The following COLEC10 variants were observed in gnomAD, a reference collection of about 807,000 sequenced individuals.
COLEC10 encodes collectin-10.
A neutral mutation model predicts 28.4 loss-of-function variants in COLEC10; 22 were observed. That is an observed-to-expected ratio of 0.78 (90% confidence interval 0.55 to 1.11). COLEC10 has a LOEUF of 1.11. Among genes scored for constraint, COLEC10 ranks in the 50% least tolerant of loss-of-function variants. COLEC10 has a pLI of 0.00. For synonymous variants in COLEC10, 125 were observed against 116.1 expected, an observed-to-expected ratio of 1.08 and a Z score of -0.49; for missense variants, 361 against 344.1, an observed-to-expected ratio of 1.05 and a Z score of -0.39.
chr8:119,030,300 C>T (rs546689349), intron 2 of COLEC10, among the ~76,000 whole-genome samples: 1 of 152,094 alleles, frequency 6.6e-6, no homozygotes, highest in Non-Finnish European at 1.5e-5. Context: ...TAGTATATCA[C>T]TAATATTTCA....
intron 2 of COLEC10, among the ~76,000 whole-genome samples, chr8:119,048,931 G>A (rs1239245763): frequency 1.3e-5 from 2 of 152,168 alleles, no homozygotes; most frequent in East Asian, 3.8e-4. Context: ...TATAGTGCTT[G>A]TGGGCTATGG....
At chr8:119,103,952 A>G in intron 5 of COLEC10, 57 bp downstream of exon 5, 1 of 1,115,256 alleles carries the variant, frequency 9.0e-7, no homozygotes, top group South Asian at 1.2e-5. Flanking sequence ...TCAACACTAC[A>G]ATTCCAGTAC....
chr8:118,995,503 C>G (rs980720730), exon 1 of COLEC10: 4 of 152,172 alleles, frequency 2.6e-5, no homozygotes, highest in Admixed American at 6.6e-5. Flanking sequence ...TTTAGCCCAG[C>G]CTCATAGACT....
At chr8:118,973,613 C>G in the COLEC10 span, among the ~76,000 whole-genome samples, 2 of 151,960 alleles carry the variant, frequency 1.3e-5, no homozygotes, top group Non-Finnish European at 2.9e-5. Context: ...ATCACAGAAG[C>G]GACATCCCAT....
intron 2 of COLEC10, among the ~76,000 whole-genome samples, chr8:119,036,405 T>G (rs894125463): frequency 6.6e-6 from 1 of 152,202 alleles, no homozygotes; most frequent in Non-Finnish European, 1.5e-5. Context: ...ATTTAACCAG[T>G]GATTTCTCTG....
At chr8:118,978,599 T>C in the COLEC10 span, among the ~76,000 whole-genome samples, 1 of 152,184 alleles carries the variant, frequency 6.6e-6, no homozygotes, top group East Asian at 1.9e-4. Context: ...ATCTGTAAGT[T>C]CATATTACTG....
chr8:119,007,523 A>T (rs1813826651), intron 1 of COLEC10, among the ~76,000 whole-genome samples: 1 of 151,190 alleles, frequency 6.6e-6, no homozygotes, highest in African/African-American at 2.5e-5. Flanking sequence ...AAGTTTAATC[A>T]TGGAACAATG....
At chr8:119,061,427 A>G in intron 2 of COLEC10, among the ~76,000 whole-genome samples, 1 of 147,344 alleles carries the variant, frequency 6.8e-6, no homozygotes, top group East Asian at 2.1e-4. Flanking sequence ...TTGAAATTTC[A>G]GAATAGCTGG....
the COLEC10 span, among the ~76,000 whole-genome samples, chr8:118,974,207 A>T: frequency 6.6e-6 from 1 of 151,888 alleles, no homozygotes; most frequent in Non-Finnish European, 1.5e-5. Flanking sequence ...ATAAAATATT[A>T]TATACCATAT....
intron 4 of COLEC10, 148 bp from the exon 5 acceptor site, chr8:119,103,652 T>C (rs1332467930): frequency 3.7e-6 from 2 of 534,980 alleles, no homozygotes; most frequent in Non-Finnish European, 6.7e-6. Context: ...GAAACCTTAT[T>C]TTAAATAAAA....
chr8:119,091,595 G>GAGAAGGAA (rs1815601750), intron 3 of COLEC10, among the ~76,000 whole-genome samples: 1 of 138,488 alleles, frequency 7.2e-6, no homozygotes, highest in Non-Finnish European at 1.6e-5. Flanking sequence ...GAGAGAGAGA[G>GAGAAGGAA]AGAAAGAAAG....
chr8:119,010,930 C>A (rs754303237), intron 2 of COLEC10, among the ~76,000 whole-genome samples: 1 of 150,934 alleles, frequency 6.6e-6, no homozygotes, highest in Non-Finnish European at 1.5e-5. Flanking sequence ...ACGTCTTTCT[C>A]TCAGTGTGTG....
intron 3 of COLEC10, among the ~76,000 whole-genome samples, chr8:119,102,143 A>C (rs1164388587): frequency 6.6e-6 from 1 of 152,130 alleles, no homozygotes; most frequent in Non-Finnish European, 1.5e-5. Flanking sequence ...GAGATATTAG[A>C]GATACTAGCT....
intron 3 of COLEC10, among the ~76,000 whole-genome samples, chr8:119,095,179 C>T (rs1010712623): frequency 6.6e-6 from 1 of 151,934 alleles, no homozygotes; most frequent in Non-Finnish European, 1.5e-5. Flanking sequence ...CACATAGAAA[C>T]AATTTAAAAA....
chr8:119,004,453 C>T (rs191561096), intron 1 of COLEC10, among the ~76,000 whole-genome samples: 9 of 151,750 alleles, frequency 5.9e-5, no homozygotes, highest in Admixed American at 3.9e-4. Context: ...TTATTTTTCT[C>T]TCCTCATAAT....
At chr8:118,974,997 C>A in the COLEC10 span, among the ~76,000 whole-genome samples, 1 of 151,926 alleles carries the variant, frequency 6.6e-6, no homozygotes, top group Non-Finnish European at 1.5e-5. Context: ...CAAAACAAAA[C>A]AAAAATGCTG....
At chr8:119,032,705 C>A (rs551878610) in intron 2 of COLEC10, among the ~76,000 whole-genome samples, 1 of 152,170 alleles carries the variant, frequency 6.6e-6, no homozygotes, top group Non-Finnish European at 1.5e-5. Context: ...ATTGAGACCA[C>A]CCTGGCTAAC....
chr8:118,971,287 G>A, the COLEC10 span, among the ~76,000 whole-genome samples: 18 of 151,942 alleles, frequency 1.2e-4, no homozygotes, highest in Non-Finnish European at 2.4e-4. Flanking sequence ...TTCCTTGCAA[G>A]GTCACCTCTG....
chr8:119,078,919 A>G (rs543872810), intron 1 of COLEC10, among the ~76,000 whole-genome samples: 2 of 152,098 alleles, frequency 1.3e-5, no homozygotes, highest in East Asian at 3.9e-4. Flanking sequence ...GAGAGAGAAT[A>G]TTGTATGTTA....
Sources: gnomAD v4.1 joint callset for allele counts (sites outside exome capture counted in the v4.1 genomes callset) on GRCh38, gnomAD v4.1.1 for gene constraint, MANE v1.5 for transcripts, NCBI Gene and HGNC (gene_info 2026-07-23, HGNC 2026-07-21) for gene names.